TRDN: variants seen among roughly 807,000 people sequenced by gnomAD.
The protein encoded by TRDN is triadin in skeletal muscle.
TRDN carries 161 observed loss-of-function variants against 149.7 expected under a neutral mutation model. The observed-to-expected ratio is 1.08, with a 90% CI of 0.95 to 1.23. The LOEUF (loss-of-function observed/expected upper bound fraction) is 1.23. Among genes scored for constraint, TRDN ranks in the 50% most tolerant of loss-of-function variants. TRDN has a pLI of 0.00. For synonymous variants in TRDN, 294 were observed against 250.5 expected (o/e 1.17, Z -1.64); for missense variants, 896 against 823.5 (o/e 1.09, Z -1.08).
intron 23 of TRDN, among the ~76,000 whole-genome samples, chr6:123,330,175 C>G (rs1047555824): frequency 2.0e-5 from 3 of 151,938 alleles, no homozygotes; most frequent in Non-Finnish European, 4.4e-5. Flanking sequence ...ATATAATATT[C>G]CTGTCTGCAC....
At chr6:123,233,288 A>G (rs1186404753) in intron 38 of TRDN, among the ~76,000 whole-genome samples, 1 of 152,088 alleles carries the variant, frequency 6.6e-6, no homozygotes, top group Non-Finnish European at 1.5e-5. Context: ...AATATGTGCT[A>G]TTATTTAAAG....
At chr6:123,310,027 C>A (rs1171273748) in intron 24 of TRDN, among the ~76,000 whole-genome samples, 1 of 151,988 alleles carries the variant, frequency 6.6e-6, no homozygotes, top group Non-Finnish European at 1.5e-5. Flanking sequence ...GATTTTGTAG[C>A]CTCTCTTGCT....
chr6:123,366,984 G>T (rs1781126559), intron 19 of TRDN, among the ~76,000 whole-genome samples: 1 of 152,190 alleles, frequency 6.6e-6, no homozygotes, highest in Non-Finnish European at 1.5e-5. Flanking sequence ...TAAAAGATTA[G>T]CTGTAATATC....
chr6:123,464,884 T>C (rs754808024), intron 10 of TRDN, 22 bp downstream of exon 10: 37 of 1,559,296 alleles, frequency 2.4e-5, no homozygotes, highest in African/African-American at 4.1e-5. Flanking sequence ...TAGAGATCTT[T>C]AAGAAAAAAA....
intron 5 of TRDN, chr6:123,529,426 C>A (rs1780117052): frequency 7.4e-7 from 1 of 1,354,404 alleles, no homozygotes; most frequent in Non-Finnish European, 1.0e-6. Flanking sequence ...ATTGGCTGAC[C>A]AATCTAGAAT....
chr6:123,340,684 T>C (rs1780034577), intron 21 of TRDN, among the ~76,000 whole-genome samples: 1 of 152,004 alleles, frequency 6.6e-6, no homozygotes, highest in Admixed American at 6.6e-5. Flanking sequence ...TGAGATATTT[T>C]TTCACGAACA....
At chr6:123,463,766 A>G (rs1460355528) in intron 10 of TRDN, among the ~76,000 whole-genome samples, 1 of 145,550 alleles carries the variant, frequency 6.9e-6, no homozygotes, top group East Asian at 2.0e-4. Context: ...TTTTTGGTCT[A>G]TTTTCTTTCT....
intron 1 of TRDN, among the ~76,000 whole-genome samples, chr6:123,576,525 C>T (rs1188372683): frequency 6.6e-6 from 1 of 151,842 alleles, no homozygotes; most frequent in Non-Finnish European, 1.5e-5. Flanking sequence ...GGCACTCCTT[C>T]CTACCTACCC....
At chr6:123,309,792 A>G (rs2873533) in intron 24 of TRDN, among the ~76,000 whole-genome samples, 76,481 of 151,776 alleles carry the variant, frequency 0.5, 20,399 homozygotes, top group Non-Finnish European at 0.6. Context: ...ATAACTGCAT[A>G]AAATATATGT....
chr6:123,540,151 G>A (rs1199551941), intron 4 of TRDN, among the ~76,000 whole-genome samples: 2 of 152,194 alleles, frequency 1.3e-5, no homozygotes, highest in African/African-American at 2.4e-5. Flanking sequence ...CCATTTCATA[G>A]GCCTTGATAA....
intron 5 of TRDN, among the ~76,000 whole-genome samples, chr6:123,524,998 A>G (rs1355447462): frequency 6.6e-6 from 1 of 152,138 alleles, no homozygotes; most frequent in African/African-American, 2.4e-5. Context: ...ACTCACAACC[A>G]CATTGAGATA....
intron 12 of TRDN, among the ~76,000 whole-genome samples, chr6:123,425,307 T>C (rs1774077680): frequency 6.9e-6 from 1 of 145,738 alleles, no homozygotes; most frequent in South Asian, 2.2e-4. Flanking sequence ...TTGTTGTTTG[T>C]TCAAAAAAAC....
At chr6:123,228,255 G>A (rs1045558633) in intron 38 of TRDN, among the ~76,000 whole-genome samples, 5 of 151,904 alleles carry the variant, frequency 3.3e-5, no homozygotes, top group African/African-American at 4.8e-5. Context: ...AGAAGTGAAA[G>A]AACTGGTTTT....
intron 33 of TRDN, among the ~76,000 whole-genome samples, 156 bp downstream of exon 33, chr6:123,265,162 T>G (rs1207612254): frequency 6.6e-6 from 1 of 152,024 alleles, no homozygotes; most frequent in Non-Finnish European, 1.5e-5. Context: ...GCACACAATA[T>G]CCTTTGTCAA....
At chr6:123,269,941 T>C in intron 30 of TRDN, 75 bp from the exon 31 acceptor site, 3 of 1,428,310 alleles carry the variant, frequency 2.1e-6, no homozygotes, top group Non-Finnish European at 2.9e-6. Context: ...TTAGTATTTG[T>C]ATTTACTTAT....
chr6:123,416,706 C>CTTTTTTTT (rs773305605), intron 12 of TRDN, among the ~76,000 whole-genome samples: 1 of 148,546 alleles, frequency 6.7e-6, no homozygotes. Context: ...CTCTTTTTTT[C>CTTTTTTTT]TTTTTTTTTA....
rs147244547 is a variant in TRDN, at chr6:123,529,399, G to A, written c.484+1107C>T. The A allele has an allele frequency of 9.1e-4, 1,374 of 1,507,806 alleles. 13 individuals carry two copies. Among genetic ancestry groups the A allele is most frequent in the South Asian group, 6.4e-3 (529 of 82,878 alleles). The allele number at this position is 1,507,806 out of a possible 1,614,324, so 93.4% of individuals were successfully genotyped here. A position where few individuals can be genotyped will look rare whatever the true frequency, so the allele number is the denominator to read the frequency against. On this transcript the variant is annotated intron_variant, in intron 5 of 40. Transcript: ENST00000334268. The stretch of plus-strand genomic sequence containing the variant: ...AGGTTTCAACTGAGTGAGCTTCAAT[G>A]TTCTGATTGTTGAAGAATTGGCTGA...
chr6:123,238,998 G>A (rs765987742), intron 38 of TRDN, among the ~76,000 whole-genome samples: 1 of 151,900 alleles, frequency 6.6e-6, no homozygotes, highest in South Asian at 2.1e-4. Flanking sequence ...ACACCACCAC[G>A]CCACGCTAAT....
chr6:123,487,524 C>T (rs189366957), intron 9 of TRDN, among the ~76,000 whole-genome samples: 1 of 152,126 alleles, frequency 6.6e-6, no homozygotes, highest in Admixed American at 6.5e-5. Flanking sequence ...ATCCCATAAA[C>T]AGACTACTAC....
Sources: gnomAD v4.1 joint callset for allele counts (sites outside exome capture counted in the v4.1 genomes callset) on GRCh38, gnomAD v4.1.1 for gene constraint, MANE v1.5 for transcripts, NCBI Gene and HGNC (gene_info 2026-07-23, HGNC 2026-07-21) for gene names.